The following BCL7A variants were observed in gnomAD, a reference collection of about 807,000 sequenced individuals.
BCL7A encodes B-cell CLL/lymphoma 7 protein family member A.
BCL7A carries 11 observed loss-of-function variants against 28.4 expected under a neutral mutation model. The observed-to-expected ratio is 0.39, with a 90% CI of 0.24 to 0.64. BCL7A has a LOEUF of 0.64. Ranked by LOEUF, BCL7A falls within the 30% of genes least tolerant of loss-of-function variation. The pLI is 0.50. For missense variants in BCL7A, 222 were observed against 274.8 expected (o/e 0.81, Z 1.36); for synonymous variants, 123 against 103.3 (o/e 1.19, Z -1.15).
At chr12:122,042,967 T>C (rs1883989897) in intron 3 of BCL7A, among the ~76,000 whole-genome samples, 2 of 151,770 alleles carry the variant, frequency 1.3e-5, no homozygotes, top group Admixed American at 6.6e-5. Flanking sequence ...TAGTCGAGTC[T>C]CCTAGCTTTC....
intron 1 of BCL7A, among the ~76,000 whole-genome samples, chr12:122,026,035 C>T (rs111838970): frequency 0.01 from 1,517 of 151,308 alleles, 28 homozygotes; most frequent in African/African-American, 0.035. Context: ...TTTAGGAGGC[C>T]GAGGAGGGAG....
chr12:122,028,730 G>A (rs1293765096), intron 1 of BCL7A, among the ~76,000 whole-genome samples: 2 of 152,180 alleles, frequency 1.3e-5, no homozygotes, highest in African/African-American at 2.4e-5. Context: ...TAAAAAGGGT[G>A]ACAATCGTCC....
chr12:122,048,120 C>T (rs1461276134), intron 4 of BCL7A, among the ~76,000 whole-genome samples: 1 of 152,002 alleles, frequency 6.6e-6, no homozygotes, highest in Admixed American at 6.6e-5. Context: ...TCAGGCTGGT[C>T]TTGAACTCCC....
chr12:122,029,257 G>T lies in BCL7A; in HGVS notation c.93-1443G>T, dbSNP rs1303941110. ...ATAATAAGAAAAGCCGGGCCGTAGC[G>T]TCCTCTGATGGAACACGTGGGACCC... On this transcript the variant is annotated intron_variant, in intron 1 of 5. Coordinates refer to ENST00000261822, the MANE Select transcript of BCL7A (RefSeq NM_001024808.3). This position sits in a 1 kb window ranked among gnomAD's most constrained non-coding sequence, Gnocchi z 4.3. 6.6e-6 allele frequency among the ~76,000 whole-genome samples: 1 copy of T among 152,180 alleles called. No individual in the cohort carries two copies. Among genetic ancestry groups the T allele is most frequent in the Non-Finnish European group, 1.5e-5 (1 of 68,022 alleles).
chr12:122,055,688 G>A (rs1019371412), intron 5 of BCL7A, among the ~76,000 whole-genome samples: 42 of 152,140 alleles, frequency 2.8e-4, no homozygotes, highest in African/African-American at 9.4e-4. Flanking sequence ...GCATGATCCC[G>A]GCTCACTCCA....
intron 1 of BCL7A, among the ~76,000 whole-genome samples, chr12:122,022,607 G>A (rs1469471944): frequency 5.5e-5 from 8 of 145,596 alleles, no homozygotes; most frequent in Admixed American, 4.8e-4. Flanking sequence ...GGGAGAGCGC[G>A]AGCTCCATTG....
At chr12:122,027,656 G>A (rs1215541187) in intron 1 of BCL7A, among the ~76,000 whole-genome samples, 2 of 152,134 alleles carry the variant, frequency 1.3e-5, no homozygotes, top group African/African-American at 4.8e-5. Flanking sequence ...TGGCCAACAT[G>A]GTGAAACCCG....
chr12:122,052,089 G>A (rs1884203489), intron 4 of BCL7A, among the ~76,000 whole-genome samples: 2 of 151,712 alleles, frequency 1.3e-5, no homozygotes, highest in Non-Finnish European at 2.9e-5. Context: ...TGGCCAGGCT[G>A]GTCTTGAACT....
intron 4 of BCL7A, among the ~76,000 whole-genome samples, chr12:122,049,017 T>TAAA (rs60471036): frequency 1.1e-5 from 1 of 90,426 alleles, no homozygotes; most frequent in Non-Finnish European, 2.0e-5. Context: ...GTGAAACGTG[T>TAAA]AAAAAAAAAA....
rs547699494 is a variant in BCL7A at position 122,045,962 on chromosome 12, G to A, written c.439+1909G>A. 3.4e-4 allele frequency among the ~76,000 whole-genome samples: 50 copies of A among 147,574 alleles called. 1 individual carries two copies. The highest frequency in any genetic ancestry group is 3.3e-4 in the African/African-American group (13 of 39,968). On this transcript the variant is annotated intron_variant, in intron 4 of 5. Coordinates refer to ENST00000261822, the MANE Select transcript of BCL7A (RefSeq NM_001024808.3). The stretch of plus-strand genomic sequence containing the variant: ...AAATGAGCCCGGCATGGTGGCATGC[G>A]CCTGTAGTCCCAGGAGGATCGACTG...
chr12:122,061,796 C>T lies in BCL7A; in HGVS notation c.*2633C>T. ...AACCCGGAAGGCTGTGGACCGATTC[C>T]TCTAGGGTGGTGACCTCCCATTAGC... On this transcript the variant is annotated 3_prime_UTR_variant, in exon 6 of 6. Transcript: ENST00000261822. 2 of 229,380 alleles carry T rather than the reference C, an allele frequency of 8.7e-6. No individual in the cohort carries two copies. Among genetic ancestry groups the T allele is most frequent in the East Asian group, 1.2e-4 (2 of 16,148 alleles). 14.2% of individuals were successfully genotyped at this position (229,380 alleles called of 1,614,324 possible).
Position 122,059,305 on chromosome 12 carries a change from AC to A in BCL7A, c.*145del. 2.7e-6 allele frequency: 2 copies of A among 730,346 alleles called. No individual in the cohort carries two copies. The highest frequency in any genetic ancestry group is 4.5e-6 in the Non-Finnish European group (2 of 444,844). The allele number at this position is 730,346 out of a possible 1,614,324, so 45.2% of individuals were successfully genotyped here. The stretch of plus-strand genomic sequence containing the variant: ...GTTTACCAAGTGCAAATCCAAGAAG[AC>A]CCAGAACGGCGTCACTTCTCAGACA... On this transcript the variant is annotated 3_prime_UTR_variant, in exon 6 of 6. Transcript: ENST00000261822. This position sits in a 1 kb window ranked among gnomAD's most constrained non-coding sequence, Gnocchi z 4.0.
chr12:122,052,870 G>A (rs1168266453), intron 4 of BCL7A, among the ~76,000 whole-genome samples: 5 of 5,428 alleles, frequency 9.2e-4, no homozygotes, highest in African/African-American at 2.2e-3. Flanking sequence ...TTTTTAGTCG[G>A]GGGGGGGGGG....
At chr12:122,043,843 G>A (rs764809693) in intron 3 of BCL7A, 43 bp from the exon 4 acceptor site, 3 of 1,559,628 alleles carry the variant, frequency 1.9e-6, no homozygotes, top group East Asian at 2.3e-5. Flanking sequence ...GTCCTTGGCA[G>A]CTGTGGGATT....
intron 4 of BCL7A, among the ~76,000 whole-genome samples, chr12:122,054,040 T>G (rs1884253481): frequency 6.6e-6 from 1 of 152,162 alleles, no homozygotes; most frequent in Non-Finnish European, 1.5e-5. Context: ...CTTTTCTGTT[T>G]CCTGCAATGG....
chr12:122,031,972 G>A (rs6486794), intron 2 of BCL7A, among the ~76,000 whole-genome samples: 13 of 152,140 alleles, frequency 8.5e-5, no homozygotes, highest in Admixed American at 7.2e-4. Context: ...ACTGCCTTCC[G>A]TATTTACTCA....
At chr12:122,023,860 A>G (rs1883541728) in intron 1 of BCL7A, among the ~76,000 whole-genome samples, 2 of 152,182 alleles carry the variant, frequency 1.3e-5, no homozygotes, top group East Asian at 1.9e-4. Context: ...GTGCAAAGAA[A>G]GAACTGGTGT....
At chr12:122,044,557 T>C (rs1414134661) in intron 4 of BCL7A, among the ~76,000 whole-genome samples, 1 of 151,288 alleles carries the variant, frequency 6.6e-6, no homozygotes, top group African/African-American at 2.4e-5. Context: ...GCATGGTGGC[T>C]CACACCTATA....
rs541065092 is a variant in BCL7A at position 122,046,238 on chromosome 12, G to C, written c.439+2185G>C. ...AGTGCGGACCTGAGGGCAACTCTGG[G>C]CACCTGGAGGGACAGCAGTGGCTGA... On this transcript the variant is annotated intron_variant, in intron 4 of 5. Coordinates refer to ENST00000261822, the MANE Select transcript of BCL7A (RefSeq NM_001024808.3). Among the ~76,000 whole-genome samples, 5 of 152,212 alleles carry C rather than the reference G, an allele frequency of 3.3e-5. 1 individual carries two copies. The highest frequency in any genetic ancestry group is 4.2e-4 in the South Asian group (2 of 4,802).
Sources: gnomAD v4.1 joint callset for allele counts (sites outside exome capture counted in the v4.1 genomes callset) on GRCh38, gnomAD v4.1.1 for gene constraint, Gnocchi (gnomAD v3.1) non-coding constraint, MANE v1.5 for transcripts, NCBI Gene and HGNC (gene_info 2026-07-23, HGNC 2026-07-21) for gene names.